The following PDE10A variants were observed in gnomAD, a reference collection of about 807,000 sequenced individuals.
PDE10A encodes the protein cAMP and cAMP-inhibited cGMP 3',5'-cyclic phosphodiesterase 10A.
In PDE10A, 39 loss-of-function variants were observed where a neutral mutation model predicts 97.7. The ratio of observed to expected loss-of-function variants is 0.40; its 90% CI spans 0.31 to 0.52. PDE10A has a LOEUF of 0.52. PDE10A is among the 20% of genes least tolerant of loss of function. The pLI is 0.56. For synonymous variants in PDE10A, 371 were observed against 376.8 expected (o/e 0.98, Z 0.18); for missense variants, 731 against 1,047.8 (o/e 0.70, Z 4.17).
rs183842292 is a variant in PDE10A at position 165,465,851 on chromosome 6, C to T, written c.1024-15489G>A. Among the ~76,000 whole-genome samples, 6 of 152,274 alleles carry T rather than the reference C, an allele frequency of 3.9e-5. No individual in the cohort carries two copies. In the East Asian group the frequency reaches 9.7e-4, roughly 24 times the overall value. On this transcript the variant is annotated intron_variant, in intron 3 of 21. Transcript: ENST00000539869. ...GTGAGATTTGGGTGGGGACACAAAG[C>T]CAAACCATATCAGGTATGATTTAGG... is the stretch of plus-strand genomic sequence containing the variant.
intron 10 of PDE10A, among the ~76,000 whole-genome samples, chr6:165,419,313 ACTGT>A (rs1490406669): frequency 3.9e-5 from 6 of 152,232 alleles, no homozygotes; most frequent in African/African-American, 1.2e-4. Flanking sequence ...TATTTGATGT[ACTGT>A]CTAATAAAAA....
At chr6:165,351,486 T>TG in intron 18 of PDE10A, among the ~76,000 whole-genome samples, 1 of 152,336 alleles carries the variant, frequency 6.6e-6, no homozygotes, top group East Asian at 1.9e-4. Context: ...CATGAGTATA[T>TG]GACCACATGA....
At chr6:165,509,066 C>A (rs1161436701) in intron 2 of PDE10A, among the ~76,000 whole-genome samples, 1 of 151,974 alleles carries the variant, frequency 6.6e-6, no homozygotes, top group Non-Finnish European at 1.5e-5. Context: ...CCACTTAGCA[C>A]AAATTTACTC....
chr6:165,574,259 A>T (rs116540986), intron 1 of PDE10A, among the ~76,000 whole-genome samples: 2 of 128,840 alleles, frequency 1.6e-5, no homozygotes, highest in South Asian at 6.6e-4. Context: ...TACATTCTTT[A>T]AAAAAAAAAA....
chr6:165,791,343 C>T (rs1045525924), intron 1 of PDE10A, among the ~76,000 whole-genome samples: 1 of 152,110 alleles, frequency 6.6e-6, no homozygotes, highest in African/African-American at 2.4e-5. Context: ...ACCTATGCTG[C>T]CACATATTGC....
chr6:165,770,823 A>T (rs1475285588), intron 1 of PDE10A, among the ~76,000 whole-genome samples: 1 of 152,200 alleles, frequency 6.6e-6, no homozygotes, highest in Non-Finnish European at 1.5e-5. Context: ...TACAAGAGAA[A>T]AGAGCACTTG....
chr6:165,558,468 G>A (rs960719825), intron 1 of PDE10A, among the ~76,000 whole-genome samples: 5 of 152,000 alleles, frequency 3.3e-5, no homozygotes, highest in Admixed American at 1.3e-4. Context: ...GTTGGGGGAC[G>A]GGGGAGGGAT....
At chr6:165,516,102 C>G (rs1480606111) in intron 2 of PDE10A, among the ~76,000 whole-genome samples, 1 of 152,160 alleles carries the variant, frequency 6.6e-6, no homozygotes, top group Non-Finnish European at 1.5e-5. Context: ...AAATAATATT[C>G]CAAATAGTTT....
rs150064850 is a variant in PDE10A at position 165,472,074 on chromosome 6, T to A, written c.1023+10241A>T. On this transcript the variant is annotated intron_variant, in intron 3 of 21. Coordinates refer to ENST00000539869, the MANE Select transcript of PDE10A (RefSeq NM_001385079.1). ...GCACACTTCATATAATGTAGAAATTTTCTCCTCTTTAATGTTTGGTGGAAT... is the reference window on the plus strand; with the variant it reads ...GCACACTTCATATAATGTAGAAATTATCTCCTCTTTAATGTTTGGTGGAAT... Among the ~76,000 whole-genome samples the A allele has an allele frequency of 5.3e-3, 813 of 152,250 alleles. 10 individuals carry two copies. The highest frequency in any genetic ancestry group is 0.019 in the African/African-American group (781 of 41,550).
intron 2 of PDE10A, among the ~76,000 whole-genome samples, chr6:165,523,537 A>C (rs1034579603): frequency 3.9e-5 from 6 of 152,214 alleles, no homozygotes; most frequent in Non-Finnish European, 7.3e-5. Context: ...CCTATTCAAT[A>C]AATGAGGCTG....
At chr6:165,552,214 TCA>T (rs1267226375) in intron 1 of PDE10A, among the ~76,000 whole-genome samples, 1 of 152,200 alleles carries the variant, frequency 6.6e-6, no homozygotes, top group Non-Finnish European at 1.5e-5. Context: ...TTCAGCCTCT[TCA>T]GCTAGACTAT....
intron 1 of PDE10A, among the ~76,000 whole-genome samples, chr6:165,707,768 T>G (rs1156802130): frequency 6.6e-6 from 1 of 152,068 alleles, no homozygotes; most frequent in African/African-American, 2.4e-5. Flanking sequence ...TGTGAAAGTG[T>G]ATGTGTGTGT....
chr6:165,334,350 G>A (rs11963431), intron 21 of PDE10A, among the ~76,000 whole-genome samples: 8,399 of 148,020 alleles, frequency 0.057, 359 homozygotes, highest in Admixed American at 0.13. Flanking sequence ...GCCCTACAGC[G>A]CCGGGCACGC....
At chr6:165,720,491 C>T (rs1792139055) in intron 1 of PDE10A, among the ~76,000 whole-genome samples, 1 of 152,178 alleles carries the variant, frequency 6.6e-6, no homozygotes, top group African/African-American at 2.4e-5. Flanking sequence ...AGCTGCCCTA[C>T]TCCCAAACCT....
intron 1 of PDE10A, among the ~76,000 whole-genome samples, chr6:165,553,606 T>C (rs561115163): frequency 1.4e-4 from 22 of 152,308 alleles, no homozygotes; most frequent in African/African-American, 4.8e-4. Context: ...ACCTACATAA[T>C]TGATTACTTA....
intron 3 of PDE10A, among the ~76,000 whole-genome samples, chr6:165,464,826 G>GT (rs1778540347): frequency 6.6e-6 from 1 of 152,176 alleles, no homozygotes; most frequent in African/African-American, 2.4e-5. Flanking sequence ...GGTACTATGT[G>GT]TTTCAGTAGT....
intron 13 of PDE10A, among the ~76,000 whole-genome samples, chr6:165,398,348 G>A (rs964180543): frequency 2.6e-5 from 4 of 152,076 alleles, no homozygotes; most frequent in African/African-American, 9.7e-5. Flanking sequence ...AGGCACGGTG[G>A]CACACACCTG....
chr6:165,854,726 G>A (rs933179940), intron 1 of PDE10A, among the ~76,000 whole-genome samples: 1 of 152,222 alleles, frequency 6.6e-6, no homozygotes, highest in Non-Finnish European at 1.5e-5. Flanking sequence ...GGCCTGGCCT[G>A]AGCCCGGGAG....
chr6:165,665,304 A>C (rs1206934840), upstream of PDE10A, among the ~76,000 whole-genome samples: 2 of 152,240 alleles, frequency 1.3e-5, no homozygotes, highest in African/African-American at 2.4e-5. Flanking sequence ...AGGCGCAGAC[A>C]TACAGGGTCT....
Sources: gnomAD v4.1 joint callset for allele counts (sites outside exome capture counted in the v4.1 genomes callset) on GRCh38, gnomAD v4.1.1 for gene constraint, MANE v1.5 for transcripts, NCBI Gene and HGNC (gene_info 2026-07-23, HGNC 2026-07-21) for gene names.